Variants in GPM6A observed in about 807,000 individuals in gnomAD.
GPM6A encodes the protein glycoprotein M6A.
A neutral mutation model predicts 32.1 loss-of-function variants in GPM6A; 7 were observed. That is an observed-to-expected ratio of 0.22 (90% CI 0.12 to 0.41). The LOEUF (loss-of-function observed/expected upper bound fraction) is 0.41. Ranked by LOEUF, GPM6A falls within the 10% of genes least tolerant of loss-of-function variation. GPM6A has a pLI of 1.00. For synonymous variants in GPM6A, 130 were observed against 123.4 expected (o/e 1.05, Z -0.35); for missense variants, 235 against 347.2 (o/e 0.68, Z 2.57).
intron 1 of GPM6A, among the ~76,000 whole-genome samples, chr4:175,760,729 A>T (rs556385189): frequency 1.3e-5 from 2 of 152,236 alleles, no homozygotes; most frequent in African/African-American, 4.8e-5. Context: ...CATTAAATGG[A>T]TGCAGGTAGA....
At chr4:175,796,459 G>A (rs997403413) in intron 1 of GPM6A, among the ~76,000 whole-genome samples, 1 of 152,102 alleles carries the variant, frequency 6.6e-6, no homozygotes, top group Non-Finnish European at 1.5e-5. Flanking sequence ...CTTGATGGAT[G>A]AGAAAATTAA....
intron 1 of GPM6A, among the ~76,000 whole-genome samples, chr4:175,960,489 T>C (rs1244911079): frequency 2.6e-5 from 4 of 152,206 alleles, no homozygotes; most frequent in South Asian, 4.1e-4. Context: ...GTTTGTTACA[T>C]AGATAAACAT....
intron 1 of GPM6A, among the ~76,000 whole-genome samples, chr4:175,936,031 C>T (rs1361308859): frequency 6.6e-6 from 1 of 151,300 alleles, no homozygotes; most frequent in African/African-American, 2.4e-5. Context: ...AACGGCCGGG[C>T]ACGGTGGCTC....
At chr4:176,001,741 A>G (rs2126478539) in intron 1 of GPM6A, among the ~76,000 whole-genome samples, 2 of 152,288 alleles carry the variant, frequency 1.3e-5, no homozygotes, top group Middle Eastern at 6.8e-3. Context: ...GCAAATGGGC[A>G]CTTCGTTTGG....
intron 4 of GPM6A, among the ~76,000 whole-genome samples, chr4:175,643,945 C>T (rs1202526487): frequency 6.6e-6 from 1 of 152,086 alleles, no homozygotes. Flanking sequence ...ACTGCACATG[C>T]GGACAGCCCA....
At chr4:175,773,901 C>G (rs79881849) in intron 1 of GPM6A, among the ~76,000 whole-genome samples, 1 of 152,064 alleles carries the variant, frequency 6.6e-6, no homozygotes, top group Non-Finnish European at 1.5e-5. Context: ...ATTGTCAAAC[C>G]AAAATGATAT....
At chr4:175,676,839 TAA>T (rs1743396972) in intron 2 of GPM6A, among the ~76,000 whole-genome samples, 1 of 152,338 alleles carries the variant, frequency 6.6e-6, no homozygotes, top group African/African-American at 2.4e-5. Flanking sequence ...ATGAATAAGA[TAA>T]GTGTCTATCA....
chr4:175,754,140 C>T (rs1466396163), intron 1 of GPM6A, among the ~76,000 whole-genome samples: 1 of 152,128 alleles, frequency 6.6e-6, no homozygotes, highest in East Asian at 1.9e-4. Flanking sequence ...GTCCTAATCC[C>T]TTCCCATGCC....
Position 175,844,105 on chromosome 4 carries a change from T to G in GPM6A, c.-22-31856A>C, listed in dbSNP as rs533645384. On this transcript the variant is annotated intron_variant, in intron 1 of 7. Transcript: ENST00000280187. ...TGCTCCTTGGCTGTAAATCCCAAGTTCTCTTTGTTGTATCCAGAGTTGAGC... is the reference window on the plus strand; with the variant it reads ...TGCTCCTTGGCTGTAAATCCCAAGTGCTCTTTGTTGTATCCAGAGTTGAGC... Among the ~76,000 whole-genome samples, 10 of 152,320 alleles carry G rather than the reference T, an allele frequency of 6.6e-5. No individual in the cohort carries two copies. The East Asian group carries it at 1.9e-3, about 29-fold the overall frequency.
chr4:175,986,381 T>A (rs1017016757), intron 1 of GPM6A, among the ~76,000 whole-genome samples: 3 of 150,806 alleles, frequency 2.0e-5, no homozygotes, highest in East Asian at 2.0e-4. Flanking sequence ...TAAAAAAAAA[T>A]TTTAAATAAG....
chr4:175,670,533 C>T (rs555646546), intron 3 of GPM6A, among the ~76,000 whole-genome samples: 16 of 152,282 alleles, frequency 1.1e-4, no homozygotes, highest in South Asian at 2.1e-4. Flanking sequence ...TAGTCAATAA[C>T]ATGTATTTGT....
chr4:175,764,733 G>C (rs1045777839), intron 1 of GPM6A, among the ~76,000 whole-genome samples: 1 of 151,680 alleles, frequency 6.6e-6, no homozygotes, highest in Non-Finnish European at 1.5e-5. Flanking sequence ...GGGATATCTG[G>C]TATACATCTC....
chr4:175,640,013 A>G (rs760131330), intron 6 of GPM6A, 116 bp downstream of exon 6: 2 of 844,396 alleles, frequency 2.4e-6, no homozygotes, highest in Non-Finnish European at 4.1e-6. Flanking sequence ...TTTTAATCTG[A>G]TGACATAAAT....
chr4:175,749,203 CA>C (rs929126623), intron 1 of GPM6A, among the ~76,000 whole-genome samples: 6 of 133,854 alleles, frequency 4.5e-5, no homozygotes, highest in Admixed American at 2.4e-4. Context: ...CAGTTTTTGC[CA>C]AAAAAAAGGT....
chr4:175,758,353 A>AT (rs1732611262), intron 1 of GPM6A, among the ~76,000 whole-genome samples: 1 of 152,184 alleles, frequency 6.6e-6, no homozygotes, highest in South Asian at 2.1e-4. Flanking sequence ...CAACAGTAGC[A>AT]TTTTTACGAA....
intron 4 of GPM6A, among the ~76,000 whole-genome samples, chr4:175,645,518 C>T (rs1451885019): frequency 6.6e-6 from 1 of 151,488 alleles, no homozygotes. Flanking sequence ...GTCAGGAGTT[C>T]GAGACCAGCC....
intron 1 of GPM6A, among the ~76,000 whole-genome samples, chr4:175,771,527 G>T (rs1000843182): frequency 6.1e-5 from 9 of 148,594 alleles, no homozygotes; most frequent in African/African-American, 2.2e-4. Context: ...ACTCCAGCCT[G>T]GGCGACAGAG....
rs572660351 is a variant in GPM6A at position 175,661,644 on chromosome 4, C to T, written c.388-9657G>A. On this transcript the variant is annotated intron_variant, in intron 3 of 6. Coordinates refer to ENST00000393658, the MANE Select transcript of GPM6A (RefSeq NM_201591.3). The stretch of plus-strand genomic sequence containing the variant: ...CCATTGTGACCTTCAGAAAGTTGCG[C>T]AAGACCAGAAAAAGTCTTGGAAATA... Among the ~76,000 whole-genome samples the T allele has an allele frequency of 2.0e-5, 3 of 152,224 alleles. No homozygotes were observed. In the East Asian group the frequency reaches 5.8e-4, roughly 29 times the overall value.
chr4:175,743,587 G>A (rs896285466), intron 1 of GPM6A, among the ~76,000 whole-genome samples: 3 of 151,834 alleles, frequency 2.0e-5, no homozygotes, highest in African/African-American at 7.2e-5. Context: ...TCAATTAAAA[G>A]ACAAATGTGT....
Sources: gnomAD v4.1 joint callset for allele counts (sites outside exome capture counted in the v4.1 genomes callset) on GRCh38, gnomAD v4.1.1 for gene constraint, MANE v1.5 for transcripts, NCBI Gene and HGNC (gene_info 2026-07-23, HGNC 2026-07-21) for gene names.